Variants in DAB1 observed in about 807,000 individuals in gnomAD.
DAB1 encodes DAB adaptor protein 1, also known as disabled homolog 1.
DAB1 carries 15 observed loss-of-function variants against 64.6 expected under a neutral mutation model. The observed-to-expected ratio is 0.23, with a 90% CI of 0.16 to 0.36. DAB1 has a LOEUF of 0.36. Ranked by LOEUF, DAB1 falls within the 10% of genes least tolerant of loss-of-function variation. The pLI, the probability that DAB1 is intolerant of heterozygous loss-of-function variation, is 1.00. For synonymous variants in DAB1, 235 were observed against 251.9 expected (o/e 0.93, Z 0.64); for missense variants, 596 against 706.7 (o/e 0.84, Z 1.78).
intron 5 of DAB1, among the ~76,000 whole-genome samples, chr1:57,925,212 T>A (rs1455694743): frequency 6.6e-6 from 1 of 152,206 alleles, no homozygotes; most frequent in Non-Finnish European, 1.5e-5. Flanking sequence ...TAGAAGAGTA[T>A]GTGTTGAGTT....
chr1:58,390,710 T>G (rs1434970120), intron 3 of DAB1, among the ~76,000 whole-genome samples: 1 of 152,312 alleles, frequency 6.6e-6, no homozygotes, highest in East Asian at 1.9e-4. Flanking sequence ...GGCCCTGTAC[T>G]AGGCATTTTT....
At chr1:57,846,726 G>A (rs1409046134) in intron 1 of DAB1, among the ~76,000 whole-genome samples, 1 of 152,084 alleles carries the variant, frequency 6.6e-6, no homozygotes, top group Non-Finnish European at 1.5e-5. Context: ...GGAACTCAAA[G>A]CCAGTCAGGT....
intron 1 of DAB1, among the ~76,000 whole-genome samples, chr1:57,349,875 T>C (rs899662421): frequency 3.6e-4 from 55 of 152,330 alleles, no homozygotes; most frequent in African/African-American, 1.3e-3. Context: ...GCCTCCTCTT[T>C]ACCTCAATAA....
chr1:57,240,795 T>C (rs568485483), intron 2 of DAB1, among the ~76,000 whole-genome samples: 51 of 152,280 alleles, frequency 3.3e-4, no homozygotes, highest in South Asian at 8.3e-4. Context: ...AGCTTACTAT[T>C]GCAGATTCAA....
chr1:57,703,547 G>A (rs9629011), intron 6 of DAB1, among the ~76,000 whole-genome samples: 1 of 151,778 alleles, frequency 6.6e-6, no homozygotes, highest in Admixed American at 6.6e-5. Flanking sequence ...CAGATGCTGG[G>A]AAAGTTGTGG....
intron 1 of DAB1, among the ~76,000 whole-genome samples, chr1:57,336,767 A>T (rs528942320): frequency 6.6e-6 from 1 of 152,328 alleles, no homozygotes; most frequent in East Asian, 1.9e-4. Context: ...GATTACAGTA[A>T]TTGTCCTAAG....
chr1:58,450,490 C>T (rs974804840), intron 3 of DAB1, among the ~76,000 whole-genome samples: 18 of 152,172 alleles, frequency 1.2e-4, no homozygotes, highest in African/African-American at 4.3e-4. Flanking sequence ...ACAGTTGGCT[C>T]ACGTCTGTAA....
At chr1:58,245,830 AT>A (rs1352998596) in intron 4 of DAB1, among the ~76,000 whole-genome samples, 29 of 152,226 alleles carry the variant, frequency 1.9e-4, no homozygotes, top group Admixed American at 6.5e-4. Flanking sequence ...CTACCTAGTT[AT>A]TTAAGTATAA....
At chr1:57,128,152 AAAAT>A (rs141430592) in intron 4 of DAB1, among the ~76,000 whole-genome samples, 8,094 of 103,074 alleles carry the variant, frequency 0.079, 340 homozygotes, top group African/African-American at 0.22. Flanking sequence ...TCAAAAAATA[AAAAT>A]AAATAAATAA....
chr1:57,131,913 T>C (rs892381198), intron 4 of DAB1, among the ~76,000 whole-genome samples: 7 of 152,132 alleles, frequency 4.6e-5, no homozygotes, highest in Non-Finnish European at 1.0e-4. Flanking sequence ...TTGTGCTAGC[T>C]AGATAGACAA....
chr1:57,654,442 T>A (rs1187014248), intron 6 of DAB1, among the ~76,000 whole-genome samples: 1 of 152,174 alleles, frequency 6.6e-6, no homozygotes, highest in African/African-American at 2.4e-5. Flanking sequence ...AGAGGAAAGA[T>A]CAAAATGGTA....
At chr1:57,001,681 T>C (rs977161936) in intron 14 of DAB1, among the ~76,000 whole-genome samples, 11 of 152,148 alleles carry the variant, frequency 7.2e-5, no homozygotes, top group African/African-American at 2.7e-4. Flanking sequence ...CTCTCTCTCC[T>C]ACACCCTACC....
At chr1:58,542,655 T>C (rs1646640141) in intron 1 of DAB1, 1 of 152,174 alleles carries the variant, frequency 6.6e-6, no homozygotes. Flanking sequence ...GAAGTCAAAC[T>C]GCAAAAACAA....
chr1:57,035,515 A>G (rs959810470), intron 9 of DAB1, among the ~76,000 whole-genome samples: 2 of 152,114 alleles, frequency 1.3e-5, no homozygotes, highest in African/African-American at 4.8e-5. Context: ...TGATGAGGCG[A>G]TTTCTTTGAA....
At chr1:57,068,805 C>T (rs570709300) in intron 8 of DAB1, among the ~76,000 whole-genome samples, 2 of 152,214 alleles carry the variant, frequency 1.3e-5, no homozygotes, top group African/African-American at 4.8e-5. Context: ...CTGAGTCTCA[C>T]CCTATAAAAA....
intron 4 of DAB1, among the ~76,000 whole-genome samples, chr1:58,212,168 C>G (rs1448661602): frequency 6.6e-6 from 1 of 152,162 alleles, no homozygotes; most frequent in Non-Finnish European, 1.5e-5. Context: ...GTTAATGAAC[C>G]AGTTCCTCCT....
chr1:57,328,512 T>C (rs1268752408), intron 1 of DAB1, among the ~76,000 whole-genome samples: 1 of 152,220 alleles, frequency 6.6e-6, no homozygotes, highest in African/African-American at 2.4e-5. Flanking sequence ...CACTGTATTT[T>C]GCAGTAGGGA....
intron 4 of DAB1, among the ~76,000 whole-genome samples, chr1:58,266,705 G>A (rs1299031701): frequency 1.3e-5 from 2 of 152,140 alleles, no homozygotes; most frequent in African/African-American, 4.8e-5. Flanking sequence ...GGGAACCAAG[G>A]AGCAGAGAAT....
intron 3 of DAB1, among the ~76,000 whole-genome samples, chr1:58,404,806 T>C (rs1384012586): frequency 6.6e-6 from 1 of 152,162 alleles, no homozygotes; most frequent in Non-Finnish European, 1.5e-5. Flanking sequence ...GAAACACTGT[T>C]AGCACAGTGC....
Sources: gnomAD v4.1 joint callset for allele counts (sites outside exome capture counted in the v4.1 genomes callset) on GRCh38, gnomAD v4.1.1 for gene constraint, MANE v1.5 for transcripts, NCBI Gene and HGNC (gene_info 2026-07-23, HGNC 2026-07-21) for gene names.